KCNIP4: variants seen among roughly 807,000 people sequenced by gnomAD.
The protein encoded by KCNIP4 is Kv channel-interacting protein 4.
In KCNIP4, 12 loss-of-function variants were observed where a neutral mutation model predicts 34.0. The ratio of observed to expected loss-of-function variants is 0.35; its 90% CI spans 0.23 to 0.57. The LOEUF (loss-of-function observed/expected upper bound fraction) is 0.57. Ranked by LOEUF, KCNIP4 falls within the 20% of genes least tolerant of loss-of-function variation. The probability of loss-of-function intolerance (pLI) is 0.83; values close to 1 mark genes in which losing one functional copy is unlikely to be tolerated. For missense variants in KCNIP4, 238 were observed against 311.7 expected (o/e 0.76, Z 1.78); for synonymous variants, 124 against 102.2 (o/e 1.21, Z -1.29).
At chr4:21,746,022 T>A (rs540671268) in intron 1 of KCNIP4, among the ~76,000 whole-genome samples, 1 of 152,114 alleles carries the variant, frequency 6.6e-6, no homozygotes, top group African/African-American at 2.4e-5. Context: ...TATTAGCGGG[T>A]TTGGTTTCTT....
intron 1 of KCNIP4, among the ~76,000 whole-genome samples, chr4:21,924,317 C>T (rs1221027117): frequency 1.4e-5 from 2 of 143,444 alleles, no homozygotes; most frequent in Non-Finnish European, 3.0e-5. Context: ...GATCTCGGCT[C>T]ACCGCAAGCT....
chr4:21,599,378 T>C (rs1005301460), intron 1 of KCNIP4, among the ~76,000 whole-genome samples: 1 of 152,038 alleles, frequency 6.6e-6, no homozygotes, highest in Admixed American at 6.6e-5. Flanking sequence ...TATAGTACTA[T>C]AATTTCAGAA....
At chr4:20,787,528 A>G (rs1230616642) in intron 3 of KCNIP4, among the ~76,000 whole-genome samples, 4 of 152,068 alleles carry the variant, frequency 2.6e-5, no homozygotes, top group African/African-American at 9.7e-5. Context: ...TCAATGAACA[A>G]CCTTTTTGGA....
At chr4:20,938,017 T>C (rs1261547190) in intron 1 of KCNIP4, among the ~76,000 whole-genome samples, 2 of 152,172 alleles carry the variant, frequency 1.3e-5, no homozygotes, top group Admixed American at 1.3e-4. Context: ...TTAGTCATTA[T>C]CAATTTTAAA....
intron 1 of KCNIP4, among the ~76,000 whole-genome samples, chr4:21,632,206 C>T (rs1345111056): frequency 1.3e-5 from 2 of 152,032 alleles, no homozygotes; most frequent in African/African-American, 4.8e-5. Flanking sequence ...CCTACACTTT[C>T]GACTTCAAAA....
At chr4:21,435,440 G>C (rs1296949545) in intron 1 of KCNIP4, among the ~76,000 whole-genome samples, 1 of 152,150 alleles carries the variant, frequency 6.6e-6, no homozygotes, top group Non-Finnish European at 1.5e-5. Context: ...CATGTTTTGA[G>C]CTGCTGTTTT....
chr4:21,787,675 G>C (rs1243662778), intron 1 of KCNIP4, among the ~76,000 whole-genome samples: 1 of 152,138 alleles, frequency 6.6e-6, no homozygotes, highest in Non-Finnish European at 1.5e-5. Context: ...TCACTGATTT[G>C]CTTGCCTTCC....
intron 1 of KCNIP4, among the ~76,000 whole-genome samples, chr4:21,384,747 G>A (rs1721862949): frequency 6.6e-6 from 1 of 152,158 alleles, no homozygotes; most frequent in Non-Finnish European, 1.5e-5. Flanking sequence ...CATATAAAGT[G>A]TACTGTAAAT....
At chr4:21,104,846 T>C (rs2109080675) in intron 1 of KCNIP4, among the ~76,000 whole-genome samples, 1 of 151,850 alleles carries the variant, frequency 6.6e-6, no homozygotes, top group East Asian at 1.9e-4. Flanking sequence ...ATTTATTAAA[T>C]AGGGAATCCT....
intron 3 of KCNIP4, among the ~76,000 whole-genome samples, chr4:20,841,419 C>G (rs1719705136): frequency 6.6e-6 from 1 of 152,106 alleles, no homozygotes; most frequent in South Asian, 2.1e-4. Flanking sequence ...ATGATGGGAG[C>G]ACATAGCAGA....
At chr4:21,369,792 G>C (rs1720145156) in intron 1 of KCNIP4, among the ~76,000 whole-genome samples, 1 of 140,870 alleles carries the variant, frequency 7.1e-6, no homozygotes, top group African/African-American at 3.1e-5. Context: ...TTAAGAAAGG[G>C]AAGGGCCGAG....
chr4:20,867,582 C>A (rs2149504962), intron 2 of KCNIP4, among the ~76,000 whole-genome samples: 1 of 152,146 alleles, frequency 6.6e-6, no homozygotes, highest in African/African-American at 2.4e-5. Context: ...TGGAAGACAA[C>A]CTAGGGTATA....
At chr4:21,623,951 C>T (rs1745151269) in intron 1 of KCNIP4, among the ~76,000 whole-genome samples, 1 of 152,100 alleles carries the variant, frequency 6.6e-6, no homozygotes, top group Non-Finnish European at 1.5e-5. Context: ...TCTGCTCCAT[C>T]CCAGTGAAAG....
At chr4:21,102,384 A>C (rs1008322359) in intron 1 of KCNIP4, among the ~76,000 whole-genome samples, 17 of 152,158 alleles carry the variant, frequency 1.1e-4, no homozygotes, top group African/African-American at 3.6e-4. Context: ...GCAATGGGGC[A>C]TTGGCTGTGA....
chr4:21,455,989 A>G (rs1233694037), intron 1 of KCNIP4, among the ~76,000 whole-genome samples: 1 of 145,420 alleles, frequency 6.9e-6, no homozygotes, highest in Non-Finnish European at 1.5e-5. Flanking sequence ...TTTTAATTCT[A>G]TATCTAGTCC....
Position 20,749,734 on chromosome 4 carries a change from T to A in KCNIP4, c.359-2A>T. The A allele has an allele frequency of 6.3e-7, 1 of 1,599,578 alleles. No homozygotes were observed. The highest frequency in any genetic ancestry group is 8.6e-7 in the Non-Finnish European group (1 of 1,168,990). ...GAAAATGTGCATATGTTGTAGAGTCTGAAATGGTAAAAAGGGAGTATCATT... is the reference window on the plus strand; with the variant it reads ...GAAAATGTGCATATGTTGTAGAGTCAGAAATGGTAAAAAGGGAGTATCATT... On this transcript the variant is annotated splice_acceptor_variant, in intron 4 of 8. Coordinates refer to ENST00000382152, the MANE Select transcript of KCNIP4 (RefSeq NM_025221.6). LOFTEE classifies it high-confidence loss of function.
At chr4:21,106,605 T>G (rs1222753838) in intron 1 of KCNIP4, among the ~76,000 whole-genome samples, 3 of 151,586 alleles carry the variant, frequency 2.0e-5, no homozygotes, top group African/African-American at 7.3e-5. Context: ...CCTTCAGGTC[T>G]GCTCTGATTT....
At chr4:21,908,342 T>C (rs1413514752) in intron 1 of KCNIP4, among the ~76,000 whole-genome samples, 1 of 152,130 alleles carries the variant, frequency 6.6e-6, no homozygotes, top group Non-Finnish European at 1.5e-5. Flanking sequence ...AGCTAATCCC[T>C]ACCCTCCTTC....
At chr4:21,732,659 A>G (rs1489433808) in intron 1 of KCNIP4, among the ~76,000 whole-genome samples, 1 of 139,194 alleles carries the variant, frequency 7.2e-6, no homozygotes. Context: ...TCCTCATCCC[A>G]TTCCAGCACT....
Sources: allele counts gnomAD v4.1 joint callset (sites outside exome capture counted in the v4.1 genomes callset), GRCh38; gene constraint gnomAD v4.1.1; transcripts MANE v1.5; gene names NCBI Gene and HGNC (gene_info 2026-07-23, HGNC 2026-07-21).